The following ANKRD55 variants were observed in gnomAD, a reference collection of about 807,000 sequenced individuals.
ANKRD55 encodes ankyrin repeat domain-containing protein 55.
In ANKRD55, 41 loss-of-function variants were observed where a neutral mutation model predicts 60.6. That is an observed-to-expected ratio of 0.68 (90% CI 0.53 to 0.88). The LOEUF (loss-of-function observed/expected upper bound fraction) is 0.88, where lower values mean the gene tolerates loss of function less well. Among genes scored for constraint, ANKRD55 ranks in the 40% least tolerant of loss-of-function variants. ANKRD55 has a pLI of 0.00. For missense variants in ANKRD55, 732 were observed against 767.6 expected, an observed-to-expected ratio of 0.95 and a Z score of 0.55; for synonymous variants, 264 against 290.3, an observed-to-expected ratio of 0.91 and a Z score of 0.92.
intron 2 of ANKRD55, among the ~76,000 whole-genome samples, chr5:56,187,066 A>G (rs1488741562): frequency 1.3e-5 from 2 of 152,244 alleles, no homozygotes; most frequent in African/African-American, 4.8e-5. Flanking sequence ...AGCTGAGAGA[A>G]ACAATGAATG....
intron 2 of ANKRD55, among the ~76,000 whole-genome samples, chr5:56,212,474 G>A (rs1484167864): frequency 6.6e-6 from 1 of 152,232 alleles, no homozygotes; most frequent in Admixed American, 6.5e-5. Flanking sequence ...AAAAAGAAAT[G>A]AAATGTAATA....
intron 7 of ANKRD55, among the ~76,000 whole-genome samples, chr5:56,135,902 A>G (rs1208723639): frequency 6.6e-6 from 1 of 152,198 alleles, no homozygotes; most frequent in Non-Finnish European, 1.5e-5. Flanking sequence ...TCATTTTTCT[A>G]TATACTAGCA....
At chr5:56,215,200 G>A (rs1256393002) in intron 2 of ANKRD55, among the ~76,000 whole-genome samples, 1 of 152,136 alleles carries the variant, frequency 6.6e-6, no homozygotes, top group East Asian at 1.9e-4. Context: ...GGGCTGAGTA[G>A]GTAAATAACA....
intron 2 of ANKRD55, among the ~76,000 whole-genome samples, chr5:56,195,214 C>T (rs774298332): frequency 3.3e-5 from 5 of 152,230 alleles, no homozygotes; most frequent in Non-Finnish European, 7.3e-5. Flanking sequence ...TCATCAAAAA[C>T]ATTCACAAAT....
chr5:56,162,110 C>T (rs1230709514), intron 5 of ANKRD55: 1 of 869,596 alleles, frequency 1.1e-6, no homozygotes, highest in Non-Finnish European at 1.4e-6. Context: ...GGCAGGAGGT[C>T]AGCTGTGGTC....
chr5:56,142,899 G>T (rs1004356926), intron 7 of ANKRD55, among the ~76,000 whole-genome samples: 6 of 152,222 alleles, frequency 3.9e-5, no homozygotes, highest in Non-Finnish European at 8.8e-5. Flanking sequence ...TGAAGCCAAG[G>T]TTAGAGGGAT....
At chr5:56,169,401 G>A (rs1000436684) in intron 5 of ANKRD55, among the ~76,000 whole-genome samples, 1 of 150,588 alleles carries the variant, frequency 6.6e-6, no homozygotes, top group Non-Finnish European at 1.5e-5. Context: ...GTATGATTTT[G>A]TGACTAAGCA....
rs115658552 is a variant in ANKRD55, at chr5:56,168,895, C to T, written c.422+1799G>A. 6.7e-3 allele frequency among the ~76,000 whole-genome samples: 1,017 copies of T among 152,352 alleles called. 15 individuals carry two copies. The highest frequency in any genetic ancestry group is 0.023 in the African/African-American group (954 of 41,584). On this transcript the variant is annotated intron_variant, in intron 5 of 11. Coordinates refer to ENST00000341048, the MANE Select transcript of ANKRD55 (RefSeq NM_024669.3). Reference sequence around the variant, plus strand: ...TTTTTGAGACGAAGTCTCACTTTGTCGCCCAGCCTGGAGTGCAGTGGTGCA... The same window carrying T: ...TTTTTGAGACGAAGTCTCACTTTGTTGCCCAGCCTGGAGTGCAGTGGTGCA...
intron 4 of ANKRD55, among the ~76,000 whole-genome samples, chr5:56,174,830 CAA>C (rs59849503): frequency 0.028 from 1,830 of 65,906 alleles, 21 homozygotes; most frequent in African/African-American, 0.074. Context: ...GACTCTGTCT[CAA>C]AAAAAAAAAA....
chr5:56,224,817 G>T (rs1258263296), intron 2 of ANKRD55, among the ~76,000 whole-genome samples: 1 of 152,074 alleles, frequency 6.6e-6, no homozygotes, highest in African/African-American at 2.4e-5. Flanking sequence ...ACAATAATAG[G>T]CTCTGAAATT....
At chr5:56,187,922 C>T (rs1759011123) in intron 2 of ANKRD55, among the ~76,000 whole-genome samples, 1 of 152,168 alleles carries the variant, frequency 6.6e-6, no homozygotes, top group Non-Finnish European at 1.5e-5. Flanking sequence ...CCCCCGGTAA[C>T]AATATCTTGG....
At chr5:56,200,424 A>G (rs1185083620) in intron 2 of ANKRD55, among the ~76,000 whole-genome samples, 1 of 152,180 alleles carries the variant, frequency 6.6e-6, no homozygotes, top group East Asian at 1.9e-4. Context: ...TTCATGGTCA[A>G]AAAACCTAAC....
In ANKRD55 at chr5:56,224,951, GA is replaced by G. The variant is rs370734452; in HGVS notation, c.58+7904del. Among the ~76,000 whole-genome samples, 141 of 152,228 alleles carry G rather than the reference GA, an allele frequency of 9.3e-4. 3 individuals carry two copies. The Middle Eastern group carries it at 0.027, about 29-fold the overall frequency. On this transcript the variant is annotated intron_variant, in intron 2 of 11. Transcript: ENST00000341048. ...CCTTCTGAAACCATTTCAATCAACA[GA>G]AAAAGAGGAAATCCTCCCTAACTCA...
intron 10 of ANKRD55, 120 bp downstream of exon 10, chr5:56,110,998 A>T (rs2111673835): frequency 8.2e-7 from 1 of 1,214,910 alleles, no homozygotes; most frequent in Non-Finnish European, 1.1e-6. Context: ...GGCTCTAATC[A>T]CTCATTTTAT....
At chr5:56,203,000 A>G (rs1049745885) in intron 2 of ANKRD55, among the ~76,000 whole-genome samples, 3 of 152,104 alleles carry the variant, frequency 2.0e-5, no homozygotes, top group Non-Finnish European at 4.4e-5. Context: ...AAATATCTTA[A>G]TCTTTATGTA....
chr5:56,183,736 C>T (rs1758905086), intron 2 of ANKRD55, 102 bp from the exon 3 acceptor site: 1 of 1,462,278 alleles, frequency 6.8e-7, no homozygotes, highest in East Asian at 2.4e-5. Flanking sequence ...ATTAAAACTT[C>T]TCAAGTGAAT....
intron 10 of ANKRD55, chr5:56,110,714 G>C (rs1756663243): frequency 4.9e-6 from 1 of 205,264 alleles, no homozygotes; most frequent in African/African-American, 2.3e-5. Flanking sequence ...CCCTCACCAA[G>C]ATTTTGGTTC....
rs184293 is a variant in ANKRD55 at position 56,147,192 on chromosome 5, G to C, written c.484-3263C>G. On this transcript the variant is annotated intron_variant, in intron 6 of 11. Transcript: ENST00000341048. Reference sequence around the variant, plus strand: ...TTAGTAGTTTTAAGCCTATTTTACAGGCAAGGAAACTGAAATACAGATTAA... The same window carrying C: ...TTAGTAGTTTTAAGCCTATTTTACACGCAAGGAAACTGAAATACAGATTAA... 4.6e-3 allele frequency among the ~76,000 whole-genome samples: 695 copies of C among 152,170 alleles called. 1 individual carries two copies. Among genetic ancestry groups the C allele is most frequent in the African/African-American group, 0.016 (653 of 41,512 alleles).
intron 2 of ANKRD55, among the ~76,000 whole-genome samples, chr5:56,190,737 A>T (rs1234878961): frequency 3.3e-5 from 5 of 152,212 alleles, no homozygotes. Flanking sequence ...GGTGAAAGGC[A>T]GAAGCGAGCA....
Sources: allele counts gnomAD v4.1 joint callset (sites outside exome capture counted in the v4.1 genomes callset), GRCh38; gene constraint gnomAD v4.1.1; transcripts MANE v1.5; gene names NCBI Gene and HGNC (gene_info 2026-07-23, HGNC 2026-07-21).